The following CFAP46 variants were observed in gnomAD, a reference collection of about 807,000 sequenced individuals.
The protein encoded by CFAP46 is cilia and flagella associated protein 46.
CFAP46 carries 245 observed loss-of-function variants against 325.7 expected under a neutral mutation model. The observed-to-expected ratio is 0.75, with a 90% confidence interval of 0.68 to 0.84. The LOEUF (loss-of-function observed/expected upper bound fraction) is 0.84. Among genes scored for constraint, CFAP46 ranks in the 40% least tolerant of loss-of-function variants. CFAP46 has a pLI of 0.00. For synonymous variants in CFAP46, 1,523 were observed against 1,495.9 expected (o/e 1.02, Z -0.42); for missense variants, 3,346 against 3,543.0 (o/e 0.94, Z 1.41).
intron 38 of CFAP46, among the ~76,000 whole-genome samples, chr10:132,858,698 G>C (rs1848682520): frequency 6.6e-6 from 1 of 152,154 alleles, no homozygotes; most frequent in South Asian, 2.1e-4. Context: ...CCTGGGCCTG[G>C]GCATGTGTGT....
intron 19 of CFAP46, 132 bp downstream of exon 19, chr10:132,912,523 C>G: frequency 1.2e-6 from 1 of 803,968 alleles, no homozygotes. Context: ...CTCTCTCTCT[C>G]TTCACCTCTC....
chr10:132,824,422 A>T (rs1403226470), intron 50 of CFAP46, among the ~76,000 whole-genome samples: 3 of 84,592 alleles, frequency 3.5e-5, no homozygotes, highest in African/African-American at 4.9e-5. Flanking sequence ...GTGCTGTGTG[A>T]GTGCTGATGT....
Position 132,942,505 on chromosome 10 carries a change from C to G in CFAP46, c.-21G>C. ...TCCATGGCGCCGGCGCCCTGCTCGT[C>G]CGCTCTCTCCGGGGTCCGCGGTGCG... On this transcript the variant is annotated 5_prime_UTR_variant, in exon 1 of 58. Coordinates refer to ENST00000368586, the MANE Select transcript of CFAP46 (RefSeq NM_001200049.3). 1 of 1,270,698 alleles carries G rather than the reference C, an allele frequency of 7.9e-7. No individual in the cohort carries two copies. 78.7% of individuals were successfully genotyped at this position (1,270,698 alleles called of 1,614,324 possible). A position where few individuals can be genotyped will look rare whatever the true frequency, so the allele number is the denominator to read the frequency against.
At position 132,859,170 on chromosome 10, in the gene CFAP46, T is replaced by A. The variant is rs770043229; in HGVS notation, c.5276A>T (p.Glu1759Val). ...EPTECSLLLK[E>V]MDDGLLEIER... ...AATTTCCAACAGGCCATCATCCATC[T>A]CTTTCAGTAGCAACGAGCACTCTGT... Residue 1759 changes from glutamate to valine, a missense_variant, in exon 38 of 58, where the codon GAG becomes GTG. Physicochemically the swap from Glu to Val is moderately radical, Grantham distance 121. Transcript: ENST00000368586. The A allele has an allele frequency of 1.5e-5, 24 of 1,550,622 alleles. No homozygotes were observed. The South Asian group carries it at 2.9e-4, about 18-fold the overall frequency.
intron 35 of CFAP46, among the ~76,000 whole-genome samples, chr10:132,863,689 T>A (rs930735480): frequency 7.1e-6 from 1 of 141,198 alleles, no homozygotes; most frequent in African/African-American, 2.7e-5. Flanking sequence ...GAGACCTGCA[T>A]GCACACATCT....
At chr10:132,940,363 A>G (rs1371856943) in intron 4 of CFAP46, among the ~76,000 whole-genome samples, 1 of 152,118 alleles carries the variant, frequency 6.6e-6, no homozygotes, top group East Asian at 2.0e-4. Context: ...GATATGAATC[A>G]GTTTTGTGCA....
chr10:132,920,097 C>T lies in CFAP46; in HGVS notation c.1692G>A (p.Gly564=). The T allele has an allele frequency of 6.5e-7, 1 of 1,548,656 alleles. No homozygotes were observed. ...TTTCGTTGCCCAGGCGCCGCAGGTG[C>T]CCGGCAGCTTTGTCCACGCTGACGG... is the stretch of plus-strand genomic sequence containing the variant. ...HHTVSVDKAA[G]HLRRLGNEND... Residue 564 remains glycine (G), a synonymous_variant, in exon 14 of 58, where the codon GGG becomes GGA. Coordinates refer to ENST00000368586, the MANE Select transcript of CFAP46 (RefSeq NM_001200049.3).
intron 13 of CFAP46, among the ~76,000 whole-genome samples, chr10:132,921,185 G>T (rs1591092175): frequency 6.6e-6 from 1 of 152,184 alleles, no homozygotes; most frequent in African/African-American, 2.4e-5. Flanking sequence ...GGTGACACCT[G>T]GTTCGTCGTG....
At chr10:132,857,019 G>T (rs1376520840) in intron 39 of CFAP46, among the ~76,000 whole-genome samples, 1 of 152,214 alleles carries the variant, frequency 6.6e-6, no homozygotes, top group Non-Finnish European at 1.5e-5. Flanking sequence ...CCCCGACTGA[G>T]GCAAGGCCCT....
At chr10:132,883,894 GGAGT>G (rs1249232652) in intron 27 of CFAP46, among the ~76,000 whole-genome samples, 1 of 152,174 alleles carries the variant, frequency 6.6e-6, no homozygotes, top group Non-Finnish European at 1.5e-5. Context: ...AGAAGGATGG[GGAGT>G]GAGTGCTGAT....
At position 132,878,308 on chromosome 10, in the gene CFAP46, C is replaced by T. The variant is rs561864323; in HGVS notation, c.4006-221G>A. Among the ~76,000 whole-genome samples the T allele has an allele frequency of 7.2e-5, 11 of 152,300 alleles. No homozygotes were observed. The East Asian group carries it at 7.7e-4, about 11-fold the overall frequency. On this transcript the variant is annotated intron_variant, in intron 29 of 57. Coordinates refer to ENST00000368586, the MANE Select transcript of CFAP46 (RefSeq NM_001200049.3). ...GCACCGGGGGCTGCAGGGACATGCC[C>T]GTGAGCCTGCTGGCTCCGCGGGTGT...
In CFAP46 at chr10:132,939,025, C is replaced by T. The variant is rs554261043; in HGVS notation, c.372-272G>A. Among the ~76,000 whole-genome samples, 4 of 152,292 alleles carry T rather than the reference C, an allele frequency of 2.6e-5. No homozygotes were observed. The South Asian group carries it at 8.3e-4, about 32-fold the overall frequency. ...GGCTGTGATGACCCGGCCACAGGCT[C>T]CCGAGTCCAGACCAGGGCCTTCTTC... On this transcript the variant is annotated intron_variant, in intron 4 of 57. Transcript: ENST00000368586. This position sits in a 1 kb window ranked among gnomAD's most constrained non-coding sequence, Gnocchi z 4.6.
intron 50 of CFAP46, among the ~76,000 whole-genome samples, chr10:132,830,017 G>T (rs1264886981): frequency 6.6e-6 from 1 of 151,612 alleles, no homozygotes; most frequent in Non-Finnish European, 1.5e-5. Flanking sequence ...CTTTTTCTGG[G>T]TTTGGTATCC....
In CFAP46 at chr10:132,885,929, G is replaced by A. The variant is rs570152192; in HGVS notation, c.3335C>T (p.Ala1112Val). 96 of 1,550,210 alleles carry A rather than the reference G, an allele frequency of 6.2e-5. No individual in the cohort carries two copies. The South Asian group carries it at 7.4e-4, about 12-fold the overall frequency. ...GCTGTGGAAGAGCAGGCCGTAGAGCGCAGCACGGAGCGCCAGGTCGTCCTC... is the reference window on the plus strand; with the variant it reads ...GCTGTGGAAGAGCAGGCCGTAGAGCACAGCACGGAGCGCCAGGTCGTCCTC... ...GAEDDLALRA[A>V]LYGLLFHSHA... is the part of the protein sequence containing the mutation. The change falls in exon 26 of 58, where the codon GCG becomes GTG. Residue 1112 changes from alanine (A) to valine (V), a missense_variant. Physicochemically the swap from Ala to Val is moderately conservative, Grantham distance 64 (BLOSUM62 0). Transcript: ENST00000368586.
intron 44 of CFAP46, among the ~76,000 whole-genome samples, chr10:132,837,726 C>T (rs1057350570): frequency 6.7e-6 from 1 of 148,950 alleles, no homozygotes. Flanking sequence ...CACGGACACA[C>T]ACATGCACAC....
At chr10:132,887,629 C>G in intron 25 of CFAP46, among the ~76,000 whole-genome samples, 1 of 64,128 alleles carries the variant, frequency 1.6e-5, no homozygotes, top group Non-Finnish European at 3.2e-5. Flanking sequence ...CTCTTCTCTC[C>G]TCTCCCTTCT....
intron 39 of CFAP46, 104 bp from the exon 40 acceptor site, chr10:132,851,409 C>T (rs1848542809): frequency 9.3e-7 from 1 of 1,070,598 alleles, no homozygotes; most frequent in Admixed American, 2.6e-5. Flanking sequence ...AAACTCATAA[C>T]AAACTGCGCA....
At chr10:132,909,854 G>C in intron 20 of CFAP46, 65 bp downstream of exon 20, 4 of 1,344,298 alleles carry the variant, frequency 3.0e-6, no homozygotes, top group Non-Finnish European at 3.8e-6. Context: ...ACCACCCCCG[G>C]CTGTCTCAGA....
chr10:132,816,829 C>T (rs926103296), intron 50 of CFAP46, among the ~76,000 whole-genome samples: 6 of 152,290 alleles, frequency 3.9e-5, no homozygotes, highest in Middle Eastern at 3.4e-3. Context: ...TTTTCAAGTG[C>T]GCGAGGATGG....
Sources: allele counts gnomAD v4.1 joint callset (sites outside exome capture counted in the v4.1 genomes callset), GRCh38; gene constraint gnomAD v4.1.1; non-coding constraint Gnocchi (gnomAD v3.1); transcripts MANE v1.5; gene names NCBI Gene and HGNC (gene_info 2026-07-23, HGNC 2026-07-21).